The following ZNF284 variants were observed in gnomAD, a reference collection of about 807,000 sequenced individuals.
ZNF284 encodes zinc finger protein 284.
ZNF284 carries 12 observed loss-of-function variants against 12.9 expected under a neutral mutation model. The ratio of observed to expected loss-of-function variants is 0.93; its 90% confidence interval spans 0.60 to 1.51. The LOEUF (loss-of-function observed/expected upper bound fraction) is 1.51. ZNF284 is among the 40% of genes most tolerant of loss of function. ZNF284 has a pLI of 0.00. For missense variants in ZNF284, 667 were observed against 707.3 expected, an observed-to-expected ratio of 0.94 and a Z score of 0.65; for synonymous variants, 225 against 236.5, an observed-to-expected ratio of 0.95 and a Z score of 0.45.
rs770175113 is a variant in ZNF284 at position 44,087,095 on chromosome 19, C to G, written c.1617C>G (p.Phe539Leu). ...GACTCCACAGCAGAGAAAAACTATT[C>G]CAATGTGAGGATTGTGGGAAGAGCA... ...HQRLHSREKL[F>L]QCEDCGKSSE... Residue 539 changes from phenylalanine (F) to leucine (L), a missense_variant, in exon 5 of 5, where the codon TTC (phenylalanine) becomes TTG (leucine). Phe to Leu is a conservative substitution (Grantham distance 22). Coordinates refer to ENST00000421176, the MANE Select transcript of ZNF284 (RefSeq NM_001037813.4). 2 of 1,614,076 alleles carry G rather than the reference C, an allele frequency of 1.2e-6. No individual in the cohort carries two copies. The highest frequency in any genetic ancestry group is 1.7e-6 in the Non-Finnish European group (2 of 1,179,992).
In ZNF284 at chr19:44,087,294, C is replaced by T; in HGVS notation, c.*34C>T. 1 of 1,389,320 alleles carries T rather than the reference C, an allele frequency of 7.2e-7. No individual in the cohort carries two copies. The highest frequency in any genetic ancestry group is 9.7e-7 in the Non-Finnish European group (1 of 1,031,304). 86.1% of individuals were successfully genotyped at this position (1,389,320 alleles called of 1,614,324 possible). On this transcript the variant is annotated 3_prime_UTR_variant, in exon 5 of 5. Transcript: ENST00000421176. ...CATATTTATGGGTTACAGCATATTT[C>T]AATACATGTATACAATGTATAATGA...
chr19:44,079,716 A>T (rs1204433796), intron 2 of ZNF284, among the ~76,000 whole-genome samples: 1 of 151,236 alleles, frequency 6.6e-6, no homozygotes, highest in African/African-American at 2.4e-5. Context: ...CAAAAAAAAC[A>T]AAACAAAACA....
Position 44,086,635 on chromosome 19 carries a change from T to A in ZNF284, c.1157T>A (p.Leu386His), listed in dbSNP as rs1221449629. Reference protein sequence around the residue: ...CGKGFRWSSCLSRHQRVHNGE... With the variant: ...CGKGFRWSSCHSRHQRVHNGE... Reference sequence around the variant, plus strand: ...AAGGGCTTCAGGTGGTCCTCATGTCTTTCAAGACATCAGCGGGTCCACAAT... The same window carrying A: ...AAGGGCTTCAGGTGGTCCTCATGTCATTCAAGACATCAGCGGGTCCACAAT... The change falls in exon 5 of 5, where the codon CTT becomes CAT. Residue 386 changes from leucine to histidine, a missense_variant. Physicochemically the swap from Leu to His is moderately conservative, Grantham distance 99. Coordinates refer to ENST00000421176, the MANE Select transcript of ZNF284 (RefSeq NM_001037813.4). 1 of 1,614,212 alleles carries A rather than the reference T, an allele frequency of 6.2e-7. No individual in the cohort carries two copies. Among genetic ancestry groups the A allele is most frequent in the East Asian group, 2.2e-5 (1 of 44,888 alleles).
Position 44,088,365 on chromosome 19 carries a change from A to AT in ZNF284, c.*1111dup, listed in dbSNP as rs1205317869. On this transcript the variant is annotated 3_prime_UTR_variant, in exon 5 of 5. Transcript: ENST00000421176. ...TTGCCATAAATGACAGAATTTTATT[A>AT]TTTTTTATGGTTAAATAGTGTACCT... 6.6e-6 allele frequency: 1 copy of AT among 152,308 alleles called. No individual in the cohort carries two copies. Among genetic ancestry groups the AT allele is most frequent in the Admixed American group, 6.5e-5 (1 of 15,290 alleles). The allele number at this position is 152,308 out of a possible 1,614,324, so 9.4% of individuals were successfully genotyped here.
In ZNF284 at chr19:44,083,474, T is replaced by TAG. The variant is rs60441974; in HGVS notation, c.235+1396_235+1397dup. The stretch of plus-strand genomic sequence containing the variant: ...AAATATATATATATATATATATATA[T>TAG]AGAGAGAGAGAGAGAGAGAGAGAGA... On this transcript the variant is annotated intron_variant, in intron 4 of 4. Coordinates refer to ENST00000421176, the MANE Select transcript of ZNF284 (RefSeq NM_001037813.4). Among the ~76,000 whole-genome samples, 616 of 64,896 alleles carry TAG rather than the reference T, an allele frequency of 9.5e-3. 48 individuals are homozygous for TAG. The highest frequency in any genetic ancestry group is 0.019 in the Middle Eastern group (2 of 106). The allele number at this position is 64,896 out of a possible 152,430, so 42.6% of individuals were successfully genotyped here. A position where few individuals can be genotyped will look rare whatever the true frequency, so the allele number is the denominator to read the frequency against.
intron 3 of ZNF284, among the ~76,000 whole-genome samples, chr19:44,081,605 A>G (rs969627249): frequency 2.6e-5 from 4 of 152,056 alleles, no homozygotes; most frequent in Non-Finnish European, 4.4e-5. Context: ...CCAGCTACTC[A>G]GGAGGCTGAG....
In ZNF284 at chr19:44,088,558, T is replaced by G. The variant is rs956769795; in HGVS notation, c.*1298T>G. The G allele has an allele frequency of 1.2e-4, 18 of 152,190 alleles. No individual in the cohort carries two copies. Among genetic ancestry groups the G allele is most frequent in the South Asian group, 8.3e-4 (4 of 4,836 alleles). 9.4% of individuals were successfully genotyped at this position (152,190 alleles called of 1,614,324 possible). A position where few individuals can be genotyped will look rare whatever the true frequency, so the allele number is the denominator to read the frequency against. On this transcript the variant is annotated 3_prime_UTR_variant, in exon 5 of 5. Coordinates refer to ENST00000421176, the MANE Select transcript of ZNF284 (RefSeq NM_001037813.4). ...GATATACAGCTAGTAGTGGGATTGC[T>G]GGATCACTTGAATGCTGATATGCAT... is the stretch of plus-strand genomic sequence containing the variant.
At chr19:44,081,493 C>T (rs369632287) in intron 3 of ZNF284, among the ~76,000 whole-genome samples, 14 of 152,098 alleles carry the variant, frequency 9.2e-5, no homozygotes, top group African/African-American at 3.4e-4. Flanking sequence ...GGGCAGATCA[C>T]GAGGTTGGGA....
chr19:44,082,394 C>T (rs1967143900), intron 4 of ZNF284, among the ~76,000 whole-genome samples: 1 of 152,134 alleles, frequency 6.6e-6, no homozygotes, highest in Non-Finnish European at 1.5e-5. Flanking sequence ...CTTTAAGTGC[C>T]TTTTAGAGAC....
intron 4 of ZNF284, 105 bp downstream of exon 4, chr19:44,082,210 T>G (rs1967138774): frequency 2.4e-6 from 2 of 833,020 alleles, no homozygotes; most frequent in African/African-American, 3.4e-5. Context: ...CAAACCTGTT[T>G]CCTGGATTCT....
In ZNF284 at chr19:44,081,093, C is replaced by T. The variant is rs746578337; in HGVS notation, c.94C>T (p.Leu32=). Residue 32 remains leucine, a synonymous_variant, in exon 3 of 5, where the codon CTG becomes TTG. Coordinates refer to ENST00000421176, the MANE Select transcript of ZNF284 (RefSeq NM_001037813.4). ...GCTGCTGGACGTTTCCCAGAGGAAG[C>T]TGTATCGAGATGTCATGCTGGAGAA... ...LGLLDVSQRK[L]YRDVMLENFR... 6.2e-7 allele frequency: 1 copy of T among 1,613,052 alleles called. No homozygotes were observed. Among genetic ancestry groups the T allele is most frequent in the Admixed American group, 1.7e-5 (1 of 59,984 alleles).
In ZNF284 at chr19:44,085,828, C is replaced by CTAT. The variant is rs1967224871; in HGVS notation, c.350_351insTAT (p.Ile118dup). On this transcript the variant is annotated inframe_insertion, in exon 5 of 5. Coordinates refer to ENST00000421176, the MANE Select transcript of ZNF284 (RefSeq NM_001037813.4). ...AGTGAGTTAACTAGACCTCAAGACT[C>CTAT]CATAAGTAGCTCTCAGTTCTCCACA... 8 of 1,593,580 alleles carry CTAT rather than the reference C, an allele frequency of 5.0e-6. No homozygotes were observed. The highest frequency in any genetic ancestry group is 1.4e-5 in the African/African-American group (1 of 72,264).
In ZNF284 at chr19:44,086,869, T is replaced by C; in HGVS notation, c.1391T>C (p.Phe464Ser). 6.2e-7 allele frequency: 1 copy of C among 1,613,874 alleles called. No homozygotes were observed. ...AATTGTAAGGAATGTGGAAAGAGCT[T>C]CAGGTGGGCCTCAGGTATTTTGAGA... ...PYNCKECGKS[F>S]RWASGILRHK... The change falls in exon 5 of 5, where the codon TTC becomes TCC. Residue 464 changes from phenylalanine to serine, a missense_variant. Coordinates refer to ENST00000421176, the MANE Select transcript of ZNF284 (RefSeq NM_001037813.4).
At chr19:44,082,132 T>G (rs774694237) in intron 4 of ZNF284, 27 bp downstream of exon 4, 2 of 1,566,604 alleles carry the variant, frequency 1.3e-6, no homozygotes, top group South Asian at 2.2e-5. Context: ...GATGCATCCT[T>G]GTACGTGACC....
chr19:44,082,034 A>T lies in ZNF284; in HGVS notation c.164A>T (p.Asp55Val). ...ACAGGGCATCAACTTTCCCACCGAG[A>T]TACTTTTCACTTCCAAAGAGAAGAA... ...LSVGHQLSHR[D>V]TFHFQREEKF... is the part of the protein sequence containing the mutation. Residue 55 changes from aspartate to valine, a missense_variant, in exon 4 of 5, where the codon GAT becomes GTT. Asp to Val is a radical substitution (Grantham distance 152). Transcript: ENST00000421176. 1 of 1,613,996 alleles carries T rather than the reference A, an allele frequency of 6.2e-7. No individual in the cohort carries two copies. The highest frequency in any genetic ancestry group is 8.5e-7 in the Non-Finnish European group (1 of 1,179,910).
chr19:44,084,998 G>GA (rs1403329037), intron 4 of ZNF284, among the ~76,000 whole-genome samples: 1 of 152,124 alleles, frequency 6.6e-6, no homozygotes, highest in Non-Finnish European at 1.5e-5. Context: ...GTGCACAGCG[G>GA]AAATGTAAAC....
At chr19:44,080,552 C>T (rs1266079660) in intron 2 of ZNF284, among the ~76,000 whole-genome samples, 2 of 152,116 alleles carry the variant, frequency 1.3e-5, no homozygotes, top group Non-Finnish European at 2.9e-5. Flanking sequence ...CACCACTGCA[C>T]TCCAGCCTGG....
rs138043086 is a variant in ZNF284 at position 44,077,119 on chromosome 19, G to A, written c.15+715G>A. 3.4e-3 allele frequency among the ~76,000 whole-genome samples: 516 copies of A among 152,198 alleles called. 2 individuals are homozygous for A. The highest frequency in any genetic ancestry group is 6.8e-3 in the Middle Eastern group (2 of 294). ...ACAGGTGTGCACCACTGCACCTGCC[G>A]ATGTTTCTTTTTAACTACTTTATAC... On this transcript the variant is annotated intron_variant, in intron 2 of 4. Transcript: ENST00000421176.
Position 44,086,598 on chromosome 19 carries a change from A to T in ZNF284, c.1120A>T (p.Asn374Tyr). ...TACAGGAGACAAACCATATAATTGTAATGTATGTGGGAAGGGCTTCAGGTG... is the reference window on the plus strand; with the variant it reads ...TACAGGAGACAAACCATATAATTGTTATGTATGTGGGAAGGGCTTCAGGTG... Reference protein sequence around the residue: ...DHTGDKPYNCNVCGKGFRWSS... With the variant: ...DHTGDKPYNCYVCGKGFRWSS... Residue 374 changes from asparagine to tyrosine, a missense_variant, in exon 5 of 5, where the codon AAT becomes TAT. Asn to Tyr is a moderately radical substitution (Grantham distance 143). Coordinates refer to ENST00000421176, the MANE Select transcript of ZNF284 (RefSeq NM_001037813.4). The T allele has an allele frequency of 1.2e-6, 2 of 1,614,200 alleles. No individual in the cohort carries two copies. Among genetic ancestry groups the T allele is most frequent in the African/African-American group, 1.3e-5 (1 of 75,038 alleles).
Sources: allele counts gnomAD v4.1 joint callset (sites outside exome capture counted in the v4.1 genomes callset), GRCh38; gene constraint gnomAD v4.1.1; transcripts MANE v1.5; gene names NCBI Gene and HGNC (gene_info 2026-07-23, HGNC 2026-07-21).